ZFHX4: variants seen among roughly 807,000 people sequenced by gnomAD.
ZFHX4 encodes zinc finger homeobox protein 4.
In ZFHX4, 56 loss-of-function variants were observed where a neutral mutation model predicts 267.6. The ratio of observed to expected loss-of-function variants is 0.21; its 90% CI spans 0.17 to 0.26. The LOEUF (loss-of-function observed/expected upper bound fraction) is 0.26, where lower values mean the gene tolerates loss of function less well. Among genes scored for constraint, ZFHX4 ranks in the 10% least tolerant of loss-of-function variants. ZFHX4 has a pLI of 1.00. For synonymous variants in ZFHX4, 1,778 were observed against 1,665.6 expected, an observed-to-expected ratio of 1.07 and a Z score of -1.64; for missense variants, 4,332 against 4,420.0, an observed-to-expected ratio of 0.98 and a Z score of 0.56.
intron 3 of ZFHX4, among the ~76,000 whole-genome samples, chr8:76,726,132 G>A (rs966550038): frequency 2.6e-5 from 4 of 151,880 alleles, no homozygotes; most frequent in Non-Finnish European, 5.9e-5. Context: ...AGATACATTA[G>A]TCCTAATACA....
rs1359089519 is a variant in ZFHX4 at position 76,704,822 on chromosome 8, G to A, written c.734G>A (p.Gly245Asp). 1.2e-6 allele frequency: 2 copies of A among 1,614,052 alleles called. No homozygotes were observed. The highest frequency in any genetic ancestry group is 2.7e-5 in the African/African-American group (2 of 74,940). ...KREKDYLTSDGSAKNSCVSKD... is the reference protein window; with the variant it reads ...KREKDYLTSDDSAKNSCVSKD... The stretch of plus-strand genomic sequence containing the variant: ...GAGAAAGACTATCTAACCAGTGATG[G>A]CTCAGCCAAAAACTCCTGTGTGTCC... The change falls in exon 2 of 11, where the codon GGC becomes GAC. Residue 245 changes from glycine (G) to aspartate (D), a missense_variant. Gly to Asp is a moderately conservative substitution (Grantham distance 94, BLOSUM62 -1). Coordinates refer to ENST00000651372, the MANE Select transcript of ZFHX4 (RefSeq NM_024721.5).
intron 1 of ZFHX4, among the ~76,000 whole-genome samples, chr8:76,683,507 C>T (rs1251869971): frequency 6.6e-6 from 1 of 151,630 alleles, no homozygotes; most frequent in African/African-American, 2.4e-5. Flanking sequence ...GAAATCTGGC[C>T]GTCCTGATTT....
chr8:76,800,363 A>G (rs1811088206), intron 4 of ZFHX4, among the ~76,000 whole-genome samples: 1 of 152,154 alleles, frequency 6.6e-6, no homozygotes, highest in Non-Finnish European at 1.5e-5. Context: ...TTGCATTTTG[A>G]TGGGATGTTA....
At chr8:76,719,615 G>A (rs1808667286) in intron 3 of ZFHX4, among the ~76,000 whole-genome samples, 2 of 151,950 alleles carry the variant, frequency 1.3e-5, no homozygotes, top group Non-Finnish European at 2.9e-5. Context: ...TATTTTAAAA[G>A]TAAAGTGCTT....
chr8:76,832,256 A>G (rs1182065871), intron 4 of ZFHX4, among the ~76,000 whole-genome samples: 1 of 152,044 alleles, frequency 6.6e-6, no homozygotes, highest in Non-Finnish European at 1.5e-5. Context: ...ATTTTTTTTA[A>G]CTTCTTGATA....
chr8:76,786,084 T>C (rs1810681178), intron 4 of ZFHX4, among the ~76,000 whole-genome samples: 1 of 152,222 alleles, frequency 6.6e-6, no homozygotes, highest in Non-Finnish European at 1.5e-5. Flanking sequence ...AGGTCAAGTC[T>C]ATTTTTAAAT....
At chr8:76,795,208 C>A (rs1036809035) in intron 4 of ZFHX4, among the ~76,000 whole-genome samples, 1 of 152,156 alleles carries the variant, frequency 6.6e-6, no homozygotes, top group Non-Finnish European at 1.5e-5. Context: ...TTTCATTTGA[C>A]ATTTGACAAT....
intron 3 of ZFHX4, among the ~76,000 whole-genome samples, chr8:76,732,457 AACAGCTACATT>A (rs1809047103): frequency 1.3e-5 from 2 of 151,878 alleles, no homozygotes; most frequent in African/African-American, 4.8e-5. Flanking sequence ...AAAAATTAAT[AACAGCTACATT>A]ATTATAATAT....
At chr8:76,849,249 A>T in intron 7 of ZFHX4, 121 bp downstream of exon 7, 2 of 1,143,000 alleles carry the variant, frequency 1.7e-6, no homozygotes, top group Non-Finnish European at 2.4e-6. Context: ...TTGGCAATGT[A>T]ACTCTTGGTA....
chr8:76,794,817 A>G (rs1043625119), intron 4 of ZFHX4, among the ~76,000 whole-genome samples: 2 of 152,000 alleles, frequency 1.3e-5, no homozygotes, highest in Non-Finnish European at 2.9e-5. Context: ...TATCCTATCA[A>G]ACATTTTTAA....
chr8:76,826,964 A>G (rs1811801511), intron 4 of ZFHX4, among the ~76,000 whole-genome samples: 1 of 152,230 alleles, frequency 6.6e-6, no homozygotes, highest in African/African-American at 2.4e-5. Context: ...TGGAAGAGGG[A>G]TCAGTTTATG....
intron 1 of ZFHX4, among the ~76,000 whole-genome samples, chr8:76,699,537 T>C (rs936733234): frequency 9.2e-5 from 14 of 152,092 alleles, no homozygotes; most frequent in African/African-American, 2.7e-4. Flanking sequence ...TCCACACAGG[T>C]ATTTACCTGC....
intron 6 of ZFHX4, among the ~76,000 whole-genome samples, chr8:76,847,240 T>A (rs1197195502): frequency 6.6e-6 from 1 of 152,142 alleles, no homozygotes; most frequent in East Asian, 1.9e-4. Context: ...GAAAGAAACA[T>A]ATATTTTTTG....
At chr8:76,750,246 C>A (rs1563500142) in intron 3 of ZFHX4, among the ~76,000 whole-genome samples, 1 of 152,016 alleles carries the variant, frequency 6.6e-6, no homozygotes, top group Non-Finnish European at 1.5e-5. Flanking sequence ...AGGAGGGATG[C>A]CCTAAAATTG....
Position 76,681,566 on chromosome 8 carries a change from A to T in ZFHX4, c.-101A>T, listed in dbSNP as rs1487023856. On this transcript the variant is annotated 5_prime_UTR_variant, in exon 1 of 11. Transcript: ENST00000651372. Reference sequence around the variant, plus strand: ...GATGTGATCAGCTGTAAGTAAAATAAAAGCAAAACAAAAAAGAGGCGAAGA... The same window carrying T: ...GATGTGATCAGCTGTAAGTAAAATATAAGCAAAACAAAAAAGAGGCGAAGA... 1 of 398,350 alleles carries T rather than the reference A, an allele frequency of 2.5e-6. No individual in the cohort carries two copies. Among genetic ancestry groups the T allele is most frequent in the Non-Finnish European group, 4.4e-6 (1 of 226,008 alleles). The allele number at this position is 398,350 out of a possible 1,614,324, so 24.7% of individuals were successfully genotyped here.
intron 3 of ZFHX4, among the ~76,000 whole-genome samples, chr8:76,719,850 A>G (rs1025360928): frequency 2.6e-5 from 4 of 152,152 alleles, no homozygotes; most frequent in African/African-American, 9.7e-5. Flanking sequence ...CTATAGGAAA[A>G]TGTGACTGAA....
chr8:76,818,186 A>G (rs1005946900), intron 4 of ZFHX4, among the ~76,000 whole-genome samples: 1 of 152,162 alleles, frequency 6.6e-6, no homozygotes, highest in Admixed American at 6.5e-5. Flanking sequence ...AAAATTGAGT[A>G]GGGAAGGAAA....
At chr8:76,693,517 GTGTGTGTGTA>G (rs1807876014) in intron 1 of ZFHX4, 1 of 132,300 alleles carries the variant, frequency 7.6e-6, no homozygotes, top group African/African-American at 3.0e-5. Context: ...GTATGTGTGC[GTGTGTGTGTA>G]TGTGTGTGTG....
rs898007692 is a variant in ZFHX4 at position 76,736,633 on chromosome 8, G to A, written c.3093+28585G>A. On this transcript the variant is annotated intron_variant, in intron 3 of 10. Transcript: ENST00000651372. Reference sequence around the variant, plus strand: ...GAATGAGGTTAGAACAGTCCATGTAGTTTGGCTCACTGACTTCCTCAGCCA... The same window carrying A: ...GAATGAGGTTAGAACAGTCCATGTAATTTGGCTCACTGACTTCCTCAGCCA... Among the ~76,000 whole-genome samples the A allele has an allele frequency of 2.0e-5, 3 of 152,118 alleles. No individual in the cohort carries two copies. The South Asian group carries it at 6.2e-4, about 31-fold the overall frequency.
Sources: gnomAD v4.1 joint callset for allele counts (sites outside exome capture counted in the v4.1 genomes callset) on GRCh38, gnomAD v4.1.1 for gene constraint, MANE v1.5 for transcripts, NCBI Gene and HGNC (gene_info 2026-07-23, HGNC 2026-07-21) for gene names.